ANO6: variants seen among roughly 807,000 people sequenced by gnomAD.
The protein encoded by ANO6 is anoctamin-6.
ANO6 carries 106 observed loss-of-function variants against 117.5 expected under a neutral mutation model. That is an observed-to-expected ratio of 0.90 (90% CI 0.77 to 1.06). The LOEUF (loss-of-function observed/expected upper bound fraction) is 1.06. Among genes scored for constraint, ANO6 ranks in the 50% least tolerant of loss-of-function variants. The pLI is 0.00. For synonymous variants in ANO6, 367 were observed against 385.1 expected (o/e 0.95, Z 0.55); for missense variants, 955 against 1,121.1 (o/e 0.85, Z 2.12).
chr12:45,433,184 G>C (rs1365370259), downstream of ANO6, among the ~76,000 whole-genome samples: 1 of 152,188 alleles, frequency 6.6e-6, no homozygotes, highest in African/African-American at 2.4e-5. Context: ...GCTACCTACA[G>C]CTTCCCACAT....
At chr12:45,294,157 T>C (rs957053808) in intron 1 of ANO6, among the ~76,000 whole-genome samples, 3 of 152,076 alleles carry the variant, frequency 2.0e-5, no homozygotes, top group Non-Finnish European at 4.4e-5. Context: ...AAAATATTGA[T>C]AGTGAAGGAA....
At chr12:45,345,844 A>G (rs1386044338) in intron 3 of ANO6, among the ~76,000 whole-genome samples, 1 of 152,124 alleles carries the variant, frequency 6.6e-6, no homozygotes, top group Non-Finnish European at 1.5e-5. Context: ...ACTAATTTAT[A>G]AAGAACAGAA....
Position 45,394,161 on chromosome 12 carries a change from C to G in ANO6, c.1386+3663C>G, listed in dbSNP as rs1254878417. Among the ~76,000 whole-genome samples, 4 of 151,918 alleles carry G rather than the reference C, an allele frequency of 2.6e-5. No individual in the cohort carries two copies. The East Asian group carries it at 7.7e-4, about 29-fold the overall frequency. On this transcript the variant is annotated intron_variant, in intron 12 of 19. Transcript: ENST00000320560. Reference sequence around the variant, plus strand: ...AAGGGATGGAGGAAGATCTACCAAGCAAATGGAAAGCAAAAAAAAGCAGGG... The same window carrying G: ...AAGGGATGGAGGAAGATCTACCAAGGAAATGGAAAGCAAAAAAAAGCAGGG...
At chr12:45,390,850 G>A (rs1214668659) in intron 12 of ANO6, among the ~76,000 whole-genome samples, 8 of 152,066 alleles carry the variant, frequency 5.3e-5, no homozygotes, top group South Asian at 2.1e-4. Flanking sequence ...GGCCAGGGGC[G>A]GTGGCTCATG....
intron 10 of ANO6, among the ~76,000 whole-genome samples, chr12:45,378,580 T>G (rs1384229490): frequency 6.6e-6 from 1 of 152,192 alleles, no homozygotes; most frequent in Non-Finnish European, 1.5e-5. Context: ...TCAGTGCATA[T>G]GCATTTTTAA....
rs115082920 is a variant in ANO6 at position 45,313,779 on chromosome 12, A to G, written c.150+11686A>G. On this transcript the variant is annotated intron_variant, in intron 2 of 19. Transcript: ENST00000320560. ...AATACCAACAGCACAACCTATCAATAAATAAATATGTTGAGCACTTACACG... is the reference window on the plus strand; with the variant it reads ...AATACCAACAGCACAACCTATCAATGAATAAATATGTTGAGCACTTACACG... Among the ~76,000 whole-genome samples the G allele has an allele frequency of 6.0e-3, 917 of 152,240 alleles. 13 individuals carry two copies. The highest frequency in any genetic ancestry group is 0.021 in the African/African-American group (871 of 41,568).
intron 9 of ANO6, among the ~76,000 whole-genome samples, chr12:45,373,512 T>C (rs557479657): frequency 6.6e-6 from 1 of 152,242 alleles, no homozygotes; most frequent in East Asian, 1.9e-4. Flanking sequence ...ACAAACTATC[T>C]CTCAGACCAC....
chr12:45,391,089 C>T (rs932021708), intron 12 of ANO6, among the ~76,000 whole-genome samples: 6 of 151,444 alleles, frequency 4.0e-5, no homozygotes, highest in South Asian at 2.1e-4. Flanking sequence ...CCACTGCACT[C>T]GACTGGGTAA....
chr12:45,353,704 C>T (rs1941340734), intron 7 of ANO6, among the ~76,000 whole-genome samples: 1 of 152,096 alleles, frequency 6.6e-6, no homozygotes, highest in Non-Finnish European at 1.5e-5. Context: ...CTGGAAACAG[C>T]AACCTAGGGG....
intron 1 of ANO6, among the ~76,000 whole-genome samples, chr12:45,220,343 C>G (rs1483540414): frequency 6.6e-6 from 1 of 152,080 alleles, no homozygotes; most frequent in Non-Finnish European, 1.5e-5. Context: ...AGGACATGGT[C>G]CATTACCTTT....
intron 1 of ANO6, among the ~76,000 whole-genome samples, chr12:45,245,960 A>AC (rs71437711): frequency 0.048 from 7,217 of 151,298 alleles, 404 homozygotes; most frequent in East Asian, 0.28. Context: ...AAAAAAAAAA[A>AC]CCCAAGAACA....
Position 45,216,293 on chromosome 12 carries a change from C to G in ANO6, c.-29C>G, listed in dbSNP as rs765429308. The G allele has an allele frequency of 7.5e-6, 12 of 1,591,882 alleles. No homozygotes were observed. The East Asian group carries it at 2.5e-4, about 34-fold the overall frequency. On this transcript the variant is annotated 5_prime_UTR_variant, in exon 1 of 20. Coordinates refer to ENST00000320560, the MANE Select transcript of ANO6 (RefSeq NM_001025356.3). ...AACCCGGGAGCCCCCAACTTCGCGC[C>G]AAGTTCGGAGCCGCCTTCTGAGGGA...
chr12:45,334,554 T>G (rs2137410929), intron 3 of ANO6, among the ~76,000 whole-genome samples: 1 of 152,126 alleles, frequency 6.6e-6, no homozygotes, highest in Middle Eastern at 3.4e-3. Context: ...CCTTTGCAGA[T>G]TTCCTTTCAC....
intron 1 of ANO6, among the ~76,000 whole-genome samples, chr12:45,281,051 TCAA>T (rs2137254238): frequency 1.3e-5 from 2 of 152,306 alleles, no homozygotes; most frequent in East Asian, 3.9e-4. Context: ...CTGTTTTCCA[TCAA>T]CGTGTGTATG....
intron 1 of ANO6, among the ~76,000 whole-genome samples, chr12:45,268,830 G>A (rs949356994): frequency 2.0e-5 from 3 of 152,192 alleles, no homozygotes; most frequent in African/African-American, 4.8e-5. Context: ...GATCATTAAC[G>A]GGCATAGACT....
intron 12 of ANO6, among the ~76,000 whole-genome samples, chr12:45,391,188 A>G (rs1942441128): frequency 6.6e-6 from 1 of 152,224 alleles, no homozygotes; most frequent in Admixed American, 6.5e-5. Context: ...CAAAGAAAAC[A>G]TAAAAACTCT....
chr12:45,260,421 G>C (rs768401523), intron 1 of ANO6, among the ~76,000 whole-genome samples: 3 of 152,200 alleles, frequency 2.0e-5, no homozygotes, highest in Non-Finnish European at 2.9e-5. Flanking sequence ...TCTCAGACTC[G>C]ATCAGCTTGC....
At position 45,348,651 on chromosome 12, in the gene ANO6, T is replaced by G; in HGVS notation, c.747+20T>G. ...CATGATGTAAGTTAAAAGGCAAAAA[T>G]GAACTAAAAGGCCTTCTGTATACTC... On this transcript the variant is annotated intron_variant, in intron 6 of 19. Transcript: ENST00000320560. 6.3e-7 allele frequency: 1 copy of G among 1,586,932 alleles called. No individual in the cohort carries two copies. Among genetic ancestry groups the G allele is most frequent in the Non-Finnish European group, 8.7e-7 (1 of 1,155,354 alleles).
At chr12:45,426,563 A>G (rs1323566935) in intron 19 of ANO6, among the ~76,000 whole-genome samples, 4 of 151,094 alleles carry the variant, frequency 2.6e-5, no homozygotes, top group African/African-American at 4.9e-5. Flanking sequence ...CACTTCCCCA[A>G]CCCTCCCCTC....
Sources: allele counts gnomAD v4.1 joint callset (sites outside exome capture counted in the v4.1 genomes callset), GRCh38; gene constraint gnomAD v4.1.1; transcripts MANE v1.5; gene names NCBI Gene and HGNC (gene_info 2026-07-23, HGNC 2026-07-21).